ZSCAN25: variants seen among roughly 807,000 people sequenced by gnomAD.
The protein encoded by ZSCAN25 is zinc finger and SCAN domain containing 25.
A neutral mutation model predicts 38.7 loss-of-function variants in ZSCAN25; 27 were observed. The ratio of observed to expected loss-of-function variants is 0.70; its 90% CI spans 0.51 to 0.96. ZSCAN25 has a LOEUF of 0.96. Among genes scored for constraint, ZSCAN25 ranks in the 40% least tolerant of loss-of-function variants. The probability of loss-of-function intolerance (pLI) is 0.00; values close to 1 mark genes in which losing one functional copy is unlikely to be tolerated. For synonymous variants in ZSCAN25, 273 were observed against 277.7 expected (o/e 0.98, Z 0.17); for missense variants, 637 against 705.9 (o/e 0.90, Z 1.11).
In ZSCAN25 at chr7:99,622,503, A is replaced by G. The variant is rs186438632; in HGVS notation, c.590-46A>G. 298 of 1,581,294 alleles carry G rather than the reference A, an allele frequency of 1.9e-4. No individual in the cohort carries two copies. In the African/African-American group the frequency reaches 3.7e-3, roughly 20 times the overall value. ...CATTTGAACGAGCTAACAGCATAACATCACTGATCCTTCTGATCTTTCTCA... is the reference window on the plus strand; with the variant it reads ...CATTTGAACGAGCTAACAGCATAACGTCACTGATCCTTCTGATCTTTCTCA... On this transcript the variant is annotated intron_variant, in intron 5 of 7. Transcript: ENST00000394152.
chr7:99,707,191 C>T, the ZSCAN25 span, among the ~76,000 whole-genome samples: 4 of 152,154 alleles, frequency 2.6e-5, no homozygotes, highest in Admixed American at 2.6e-4. Flanking sequence ...GAGCTAGGCA[C>T]CTGGAAGGTG....
At chr7:99,660,406 T>C in the ZSCAN25 span, 10 of 1,490,180 alleles carry the variant, frequency 6.7e-6, no homozygotes, top group African/African-American at 1.4e-5. Context: ...TCAGTGATTA[T>C]GCTTTTTATA....
At chr7:99,659,479 G>A in the ZSCAN25 span, 1 of 154,504 alleles carries the variant, frequency 6.5e-6, no homozygotes, top group South Asian at 2.1e-4. Flanking sequence ...GTGTCAGTCT[G>A]CCCCTACTGG....
At chr7:99,664,953 G>C in the ZSCAN25 span, among the ~76,000 whole-genome samples, 1 of 152,140 alleles carries the variant, frequency 6.6e-6, no homozygotes, top group Non-Finnish European at 1.5e-5. Context: ...AGGGCAGTGG[G>C]GTTTGTGGTG....
At chr7:99,673,281 G>C in the ZSCAN25 span, among the ~76,000 whole-genome samples, 1 of 152,126 alleles carries the variant, frequency 6.6e-6, no homozygotes, top group Non-Finnish European at 1.5e-5. Context: ...AGTACAAAGA[G>C]GCAAAGCTTT....
the ZSCAN25 span, among the ~76,000 whole-genome samples, chr7:99,651,809 C>T: frequency 2.6e-5 from 4 of 152,316 alleles, no homozygotes; most frequent in Admixed American, 2.6e-4. Context: ...AGAGCATGCT[C>T]AAGACACCTC....
chr7:99,703,711 T>C, the ZSCAN25 span, among the ~76,000 whole-genome samples: 1 of 152,162 alleles, frequency 6.6e-6, no homozygotes, highest in African/African-American at 2.4e-5. Context: ...ATTTACTTCT[T>C]TGATAAATCC....
the ZSCAN25 span, chr7:99,707,711 A>G: frequency 6.4e-7 from 1 of 1,554,258 alleles, no homozygotes; most frequent in Non-Finnish European, 8.7e-7. Flanking sequence ...CATAGAACAA[A>G]TTATTAAAAG....
chr7:99,717,353 G>C, the ZSCAN25 span: 1 of 1,605,822 alleles, frequency 6.2e-7, no homozygotes, highest in Non-Finnish European at 8.5e-7. Context: ...GGAACAATAA[G>C]TGACATTGTA....
chr7:99,725,032 T>C, the ZSCAN25 span, among the ~76,000 whole-genome samples: 1 of 152,076 alleles, frequency 6.6e-6, no homozygotes, highest in Non-Finnish European at 1.5e-5. Context: ...AGCATCCCCA[T>C]TGGCAGTACA....
At chr7:99,644,367 C>T in the ZSCAN25 span, among the ~76,000 whole-genome samples, 1 of 152,074 alleles carries the variant, frequency 6.6e-6, no homozygotes, top group Non-Finnish European at 1.5e-5. Flanking sequence ...GGAAAGAAGA[C>T]CCTCTCCTGG....
chr7:99,728,783 A>G, the ZSCAN25 span, among the ~76,000 whole-genome samples: 1 of 152,034 alleles, frequency 6.6e-6, no homozygotes, highest in Admixed American at 6.6e-5. Context: ...TGCTTCCACT[A>G]TTGCCCTTGG....
At chr7:99,672,249 A>C in the ZSCAN25 span, among the ~76,000 whole-genome samples, 1 of 152,044 alleles carries the variant, frequency 6.6e-6, no homozygotes, top group Non-Finnish European at 1.5e-5. Context: ...ATGGGGTTTC[A>C]CCATGTTGGT....
downstream of ZSCAN25, among the ~76,000 whole-genome samples, chr7:99,633,213 G>A (rs1808128369): frequency 6.6e-6 from 1 of 152,102 alleles, no homozygotes; most frequent in South Asian, 2.1e-4. Flanking sequence ...CCTGCCTTCT[G>A]TATTATCTAA....
chr7:99,634,671 C>T (rs894713762), downstream of ZSCAN25, among the ~76,000 whole-genome samples: 6 of 152,168 alleles, frequency 3.9e-5, no homozygotes, highest in African/African-American at 9.7e-5. Context: ...GTGGTGGGCA[C>T]CTGTAGTCCT....
At chr7:99,718,121 G>A in the ZSCAN25 span, among the ~76,000 whole-genome samples, 1 of 152,088 alleles carries the variant, frequency 6.6e-6, no homozygotes, top group Non-Finnish European at 1.5e-5. Context: ...GGGGCCTGTT[G>A]TGGGGTGGGG....
chr7:99,663,105 CT>C, the ZSCAN25 span: 12 of 1,251,698 alleles, frequency 9.6e-6, no homozygotes, highest in East Asian at 4.2e-4. Flanking sequence ...TGTCCAATTG[CT>C]TTTTCGCCTT....
Position 99,631,351 on chromosome 7 carries a change from A to G in ZSCAN25, c.*1331A>G, listed in dbSNP as rs1807983381. On this transcript the variant is annotated 3_prime_UTR_variant, in exon 8 of 8. Coordinates refer to ENST00000394152, the MANE Select transcript of ZSCAN25 (RefSeq NM_145115.3). ...AGGAAAAATAAAGATATTTGTAGGCATTAAAAAAAAATACATTTCTTTAAA... is the reference window on the plus strand; with the variant it reads ...AGGAAAAATAAAGATATTTGTAGGCGTTAAAAAAAAATACATTTCTTTAAA... The G allele has an allele frequency of 4.1e-6, 4 of 984,444 alleles. No individual in the cohort carries two copies. The highest frequency in any genetic ancestry group is 4.7e-5 in the South Asian group (1 of 21,280). The allele number at this position is 984,444 out of a possible 1,614,324, so 61.0% of individuals were successfully genotyped here.
At chr7:99,686,787 G>A in the ZSCAN25 span, among the ~76,000 whole-genome samples, 4 of 152,010 alleles carry the variant, frequency 2.6e-5, no homozygotes, top group Admixed American at 6.5e-5. Context: ...CACCTCACAC[G>A]GCCAGGTACT....
Sources: allele counts gnomAD v4.1 joint callset (sites outside exome capture counted in the v4.1 genomes callset), GRCh38; gene constraint gnomAD v4.1.1; transcripts MANE v1.5; gene names NCBI Gene and HGNC (gene_info 2026-07-23, HGNC 2026-07-21).